Variants in CADPS observed in about 807,000 individuals in gnomAD.
The protein encoded by CADPS is calcium dependent secretion activator, also known as calcium-dependent secretion activator 1.
In CADPS, 57 loss-of-function variants were observed where a neutral mutation model predicts 167.3. That is an observed-to-expected ratio of 0.34 (90% CI 0.28 to 0.42). CADPS has a LOEUF of 0.42. Among genes scored for constraint, CADPS ranks in the 20% least tolerant of loss-of-function variants. CADPS has a pLI of 1.00. For missense variants in CADPS, 1,414 were observed against 1,738.1 expected, an observed-to-expected ratio of 0.81 and a Z score of 3.32; for synonymous variants, 676 against 635.3, an observed-to-expected ratio of 1.06 and a Z score of -0.96.
In CADPS at chr3:62,651,058, A is replaced by G; in HGVS notation, c.992T>C (p.Val331Ala). ...GTACATGTTTTCCATTTCTTTGGAT[A>G]CAAACTTGGGAAATTTGCGTTCCTT... ...IARERKFPKF[V>A]SKEMENMYIE... The change falls in exon 5 of 30, where the codon GTA becomes GCA. Residue 331 changes from valine (V) to alanine (A), a missense_variant. Physicochemically the swap from Val to Ala is moderately conservative, Grantham distance 64. Around this residue, in one of 6 missense-constraint regions of CADPS, gnomAD observed 522 missense variants for 559.5 expected, o/e 0.93. Coordinates refer to ENST00000383710, the MANE Select transcript of CADPS (RefSeq NM_003716.4). 1 of 1,613,756 alleles carries G rather than the reference A, an allele frequency of 6.2e-7. No homozygotes were observed. Among genetic ancestry groups the G allele is most frequent in the Non-Finnish European group, 8.5e-7 (1 of 1,179,806 alleles).
intron 1 of CADPS, among the ~76,000 whole-genome samples, chr3:62,854,843 G>C (rs1259695335): frequency 2.0e-5 from 3 of 152,090 alleles, no homozygotes; most frequent in African/African-American, 7.2e-5. Context: ...TTAAAAAGTT[G>C]ACTGTCCTTT....
intron 13 of CADPS, among the ~76,000 whole-genome samples, chr3:62,525,319 C>A (rs116358852): frequency 6.6e-6 from 1 of 152,158 alleles, no homozygotes; most frequent in Non-Finnish European, 1.5e-5. Context: ...GGGATGCCTA[C>A]TTATACGTAA....
intron 3 of CADPS, among the ~76,000 whole-genome samples, chr3:62,680,610 G>A (rs973813285): frequency 6.6e-6 from 1 of 151,988 alleles, no homozygotes; most frequent in Non-Finnish European, 1.5e-5. Flanking sequence ...CCCCTGGACT[G>A]CTGTGATAGT....
chr3:62,512,002 C>G (rs1015514745), intron 17 of CADPS, among the ~76,000 whole-genome samples: 2 of 152,122 alleles, frequency 1.3e-5, no homozygotes, highest in African/African-American at 4.8e-5. Flanking sequence ...CTTATTGCAG[C>G]CCTATGCTTG....
chr3:62,674,642 C>T (rs566696750), intron 3 of CADPS, among the ~76,000 whole-genome samples: 1 of 152,080 alleles, frequency 6.6e-6, no homozygotes, highest in East Asian at 1.9e-4. Flanking sequence ...GCCAAATTCT[C>T]CAACAGATGG....
intron 28 of CADPS, among the ~76,000 whole-genome samples, chr3:62,419,135 T>C (rs1013776891): frequency 1.3e-5 from 2 of 152,228 alleles, no homozygotes; most frequent in African/African-American, 2.4e-5. Flanking sequence ...GGAATGGCTC[T>C]CTTATGTACC....
At chr3:62,768,502 T>C (rs2087561731) in intron 1 of CADPS, among the ~76,000 whole-genome samples, 1 of 152,170 alleles carries the variant, frequency 6.6e-6, no homozygotes, top group African/African-American at 2.4e-5. Flanking sequence ...AAATCTATTA[T>C]CTGTCTAACC....
At chr3:62,722,791 G>A (rs898889744) in intron 3 of CADPS, among the ~76,000 whole-genome samples, 7 of 152,306 alleles carry the variant, frequency 4.6e-5, no homozygotes, top group Middle Eastern at 3.4e-3. Context: ...TGACATTTGA[G>A]GTTGGGTAAT....
intron 24 of CADPS, among the ~76,000 whole-genome samples, chr3:62,467,894 C>T (rs567685652): frequency 4.6e-5 from 7 of 152,166 alleles, no homozygotes; most frequent in African/African-American, 1.2e-4. Context: ...CAACTGTCAT[C>T]GTGACTCAAA....
intron 1 of CADPS, among the ~76,000 whole-genome samples, chr3:62,836,538 T>G (rs2075913027): frequency 6.6e-6 from 1 of 152,048 alleles, no homozygotes; most frequent in South Asian, 2.1e-4. Context: ...ATTTTCAAGG[T>G]TGAGTTGAAG....
At chr3:62,629,377 T>C (rs2064810460) in intron 6 of CADPS, among the ~76,000 whole-genome samples, 1 of 152,192 alleles carries the variant, frequency 6.6e-6, no homozygotes, top group Admixed American at 6.5e-5. Flanking sequence ...TAATATGTGG[T>C]CTTTTGCCTC....
intron 6 of CADPS, among the ~76,000 whole-genome samples, chr3:62,643,417 A>G (rs78815316): frequency 1.7e-4 from 26 of 152,216 alleles, no homozygotes; most frequent in Non-Finnish European, 3.4e-4. Flanking sequence ...AGAGGAATCA[A>G]AAATGTATAC....
intron 25 of CADPS, among the ~76,000 whole-genome samples, chr3:62,466,136 A>G (rs1034697952): frequency 6.6e-6 from 1 of 152,212 alleles, no homozygotes; most frequent in African/African-American, 2.4e-5. Flanking sequence ...TTAAGTTAAC[A>G]TATGCCACTT....
At chr3:62,645,991 G>C (rs773680892) in intron 5 of CADPS, 148 bp from the exon 6 acceptor site, 215 of 806,246 alleles carry the variant, frequency 2.7e-4, no homozygotes, top group Non-Finnish European at 3.8e-4. Context: ...GCTGGGACCA[G>C]TCTAGCACGA....
At chr3:62,532,724 TGTGTG>T in intron 13 of CADPS, 142 bp downstream of exon 13, 6 of 367,094 alleles carry the variant, frequency 1.6e-5, no homozygotes, top group Admixed American at 4.2e-5. Flanking sequence ...CCTTTGTGTG[TGTGTG>T]TGTGTGTGTG....
chr3:62,403,488 TTC>T (rs1487798375), intron 28 of CADPS: 1 of 193,882 alleles, frequency 5.2e-6, no homozygotes. Context: ...GCTCTTCTGA[TTC>T]TCTTTTTTAT....
intron 8 of CADPS, among the ~76,000 whole-genome samples, chr3:62,582,044 C>A (rs1313059774): frequency 6.6e-6 from 1 of 152,206 alleles, no homozygotes; most frequent in Non-Finnish European, 1.5e-5. Flanking sequence ...ATTCAAAGAA[C>A]CACAGTGCAC....
chr3:62,438,000 C>G, intron 28 of CADPS, 104 bp downstream of exon 28: 1 of 735,440 alleles, frequency 1.4e-6, no homozygotes, highest in East Asian at 2.6e-5. Context: ...TGAATCAGAA[C>G]CAATCCATTT....
At chr3:62,869,269 C>T (rs2082222240) in intron 1 of CADPS, among the ~76,000 whole-genome samples, 1 of 152,004 alleles carries the variant, frequency 6.6e-6, no homozygotes. Flanking sequence ...GTCATTTAGC[C>T]TCCTAGATCC....
Sources: gnomAD v4.1 joint callset for allele counts (sites outside exome capture counted in the v4.1 genomes callset) on GRCh38, gnomAD v4.1.1 for gene constraint, gnomAD v4.1.1 regional missense constraint, MANE v1.5 for transcripts, NCBI Gene and HGNC (gene_info 2026-07-23, HGNC 2026-07-21) for gene names.